Variants in CCNY observed in about 807,000 individuals in gnomAD.
CCNY encodes the protein cyclin-Y.
A neutral mutation model predicts 42.8 loss-of-function variants in CCNY; 19 were observed. That is an observed-to-expected ratio of 0.44 (90% confidence interval 0.31 to 0.65). The LOEUF is 0.65. CCNY is among the 30% of genes least tolerant of loss of function. The pLI, the probability that CCNY is intolerant of heterozygous loss-of-function variation, is 0.07. For missense variants in CCNY, 370 were observed against 437.3 expected (o/e 0.85, Z 1.37); for synonymous variants, 165 against 162.7 (o/e 1.01, Z -0.11).
intron 4 of CCNY, among the ~76,000 whole-genome samples, chr10:35,523,111 C>A (rs529006775): frequency 5.9e-5 from 9 of 152,176 alleles, no homozygotes; most frequent in Non-Finnish European, 1.2e-4. Context: ...AGGTTGTCAA[C>A]CAACAGAAAG....
chr10:35,326,895 A>C (rs886362711), intron 3 of CCNY, among the ~76,000 whole-genome samples: 1 of 151,990 alleles, frequency 6.6e-6, no homozygotes, highest in Non-Finnish European at 1.5e-5. Flanking sequence ...TCTTAAAACA[A>C]ACAAACAAAC....
chr10:35,492,177 A>G (rs1839912452), intron 2 of CCNY, among the ~76,000 whole-genome samples: 1 of 152,116 alleles, frequency 6.6e-6, no homozygotes, highest in Admixed American at 6.5e-5. Context: ...TCCCTGCCTG[A>G]CCGTCTGTCT....
At chr10:35,505,274 TA>T (rs35887849) in intron 3 of CCNY, among the ~76,000 whole-genome samples, 4,160 of 139,692 alleles carry the variant, frequency 0.03, 60 homozygotes, top group Non-Finnish European at 0.041. Context: ...TCTAAGAAGT[TA>T]AAAAAAAAAA....
chr10:35,315,711 T>A (rs1305305499), intron 3 of CCNY, among the ~76,000 whole-genome samples: 1 of 152,238 alleles, frequency 6.6e-6, no homozygotes, highest in African/African-American at 2.4e-5. Context: ...ACACTGCCAC[T>A]AGCAGTGTAT....
chr10:35,531,511 T>C (rs1409891929), intron 7 of CCNY, among the ~76,000 whole-genome samples: 2 of 152,256 alleles, frequency 1.3e-5, no homozygotes, highest in East Asian at 1.9e-4. Flanking sequence ...TATGTCATAA[T>C]TGAGTAATGT....
chr10:35,561,620 CTTCT>C (rs966409245), intron 8 of CCNY, among the ~76,000 whole-genome samples: 22 of 152,284 alleles, frequency 1.4e-4, no homozygotes, highest in Admixed American at 5.2e-4. Context: ...AGTGCTTGTT[CTTCT>C]AGGTACCCTT....
At chr10:35,265,563 C>A (rs972475123) in intron 3 of CCNY, among the ~76,000 whole-genome samples, 1 of 152,216 alleles carries the variant, frequency 6.6e-6, no homozygotes, top group Non-Finnish European at 1.5e-5. Flanking sequence ...AGGTCTTGAC[C>A]GTGCAGCCAG....
chr10:35,378,207 G>A (rs929534629), intron 1 of CCNY, among the ~76,000 whole-genome samples: 1 of 152,164 alleles, frequency 6.6e-6, no homozygotes, highest in Non-Finnish European at 1.5e-5. Context: ...AATTTATGCA[G>A]ATCTTCCAAA....
rs113069550 is a variant in CCNY, at chr10:35,548,292, GTA to G, written c.580-4709_580-4708del. Among the ~76,000 whole-genome samples the G allele has an allele frequency of 1.0e-3, 145 of 143,672 alleles. 1 individual carries two copies. Among genetic ancestry groups the G allele is most frequent in the East Asian group, 8.8e-3 (44 of 5,022 alleles). The allele number at this position is 143,672 out of a possible 152,430, so 94.3% of individuals were successfully genotyped here. A position where few individuals can be genotyped will look rare whatever the true frequency, so the allele number is the denominator to read the frequency against. On this transcript the variant is annotated intron_variant, in intron 7 of 9. Transcript: ENST00000374704. ...CATAAATATAAATATATATATTTAT[GTA>G]TATATATATATATATATTTTATGAG...
chr10:35,526,935 C>G (rs1407856931), intron 5 of CCNY, among the ~76,000 whole-genome samples: 1 of 152,162 alleles, frequency 6.6e-6, no homozygotes, highest in Non-Finnish European at 1.5e-5. Context: ...AGTTTGGGAA[C>G]AAGCAGAGCC....
chr10:35,381,930 A>G (rs561388452), intron 1 of CCNY, among the ~76,000 whole-genome samples: 34 of 152,062 alleles, frequency 2.2e-4, no homozygotes, highest in Admixed American at 1.9e-3. Flanking sequence ...TGCAAAAATA[A>G]TATCTGTAAA....
chr10:35,385,809 A>G (rs1041143143), intron 1 of CCNY, among the ~76,000 whole-genome samples: 1 of 152,078 alleles, frequency 6.6e-6, no homozygotes, highest in African/African-American at 2.4e-5. Context: ...CACGAATGAG[A>G]TATTTAGTTA....
chr10:35,539,388 A>G (rs114176560), intron 7 of CCNY, among the ~76,000 whole-genome samples: 3,653 of 152,308 alleles, frequency 0.024, 65 homozygotes, highest in African/African-American at 0.041. Context: ...TAAGCATTCA[A>G]ATCTCTTCTA....
chr10:35,301,586 CT>C (rs1386739158), intron 3 of CCNY, among the ~76,000 whole-genome samples: 1 of 152,100 alleles, frequency 6.6e-6, no homozygotes, highest in Non-Finnish European at 1.5e-5. Flanking sequence ...AATTAGCAGT[CT>C]TTTCTTATTT....
chr10:35,489,381 A>G (rs1430297672), intron 2 of CCNY, among the ~76,000 whole-genome samples: 2 of 152,176 alleles, frequency 1.3e-5, no homozygotes, highest in East Asian at 1.9e-4. Context: ...GCTCACTGCA[A>G]GCTCTGCCTC....
rs546359841 is a variant in CCNY, at chr10:35,460,229, ATC to A, written c.155-23164_155-23163del. 1.1e-4 allele frequency among the ~76,000 whole-genome samples: 17 copies of A among 152,146 alleles called. No homozygotes were observed. In the South Asian group the frequency reaches 1.7e-3, roughly 15 times the overall value. ...AACATCTCTGAGCCTCTTTTAAAAAATCTCTCTCTCTCGTATATCTCTATTTA... is the reference window on the plus strand; with the variant it reads ...AACATCTCTGAGCCTCTTTTAAAAAATCTCTCTCTCGTATATCTCTATTTA... On this transcript the variant is annotated intron_variant, in intron 1 of 9. Coordinates refer to ENST00000374704, the MANE Select transcript of CCNY (RefSeq NM_145012.6).
chr10:35,323,195 CTAAGAT>C (rs1269376034), intron 3 of CCNY, among the ~76,000 whole-genome samples: 1 of 152,148 alleles, frequency 6.6e-6, no homozygotes, highest in Non-Finnish European at 1.5e-5. Flanking sequence ...TCCCAAATTG[CTAAGAT>C]TACAGGCATG....
At chr10:35,496,593 G>C (rs939020617) in intron 2 of CCNY, among the ~76,000 whole-genome samples, 1 of 152,160 alleles carries the variant, frequency 6.6e-6, no homozygotes, top group African/African-American at 2.4e-5. Context: ...AACTTTGGGG[G>C]GTGCTGAGAC....
chr10:35,357,892 G>T (rs926079572), intron 1 of CCNY, among the ~76,000 whole-genome samples: 4 of 151,990 alleles, frequency 2.6e-5, no homozygotes, highest in African/African-American at 9.7e-5. Flanking sequence ...TATGGGTCAT[G>T]GATTGTTATT....
Sources: allele counts gnomAD v4.1 joint callset (sites outside exome capture counted in the v4.1 genomes callset), GRCh38; gene constraint gnomAD v4.1.1; transcripts MANE v1.5; gene names NCBI Gene and HGNC (gene_info 2026-07-23, HGNC 2026-07-21).